NGEF: variants seen among roughly 807,000 people sequenced by gnomAD.
NGEF encodes the protein neuronal guanine nucleotide exchange factor, also known as ephexin-1.
Under a neutral mutation model 80.9 loss-of-function variants are expected in NGEF, and 31 were observed. That is an observed-to-expected ratio of 0.38 (90% CI 0.29 to 0.52). NGEF has a LOEUF of 0.52. NGEF is among the 20% of genes least tolerant of loss of function. The probability of loss-of-function intolerance (pLI) is 0.84; values close to 1 mark genes in which losing one functional copy is unlikely to be tolerated. For synonymous variants in NGEF, 371 were observed against 370.2 expected (o/e 1.00, Z -0.03); for missense variants, 709 against 926.2 (o/e 0.77, Z 3.04).
At chr2:232,880,815 C>T (rs1328745734) in intron 14 of NGEF, among the ~76,000 whole-genome samples, 2 of 58,472 alleles carry the variant, frequency 3.4e-5, no homozygotes, top group Admixed American at 3.6e-4. Flanking sequence ...GGTTGTCCTC[C>T]CTCCCACTGT....
rs1204406149 is a variant in NGEF, at chr2:233,013,218, ACTTCGTCCTGTC to A, written c.-237_-226del. 1 of 470,664 alleles carries A rather than the reference ACTTCGTCCTGTC, an allele frequency of 2.1e-6. No individual in the cohort carries two copies. The highest frequency in any genetic ancestry group is 7.0e-5 in the East Asian group (1 of 14,382). 29.2% of individuals were successfully genotyped at this position (470,664 alleles called of 1,614,324 possible). A position where few individuals can be genotyped will look rare whatever the true frequency, so the allele number is the denominator to read the frequency against. ...TGTCCCAGAGAGCCCACAGCCAAAA[ACTTCGTCCTGTC>A]CTGGAAAAGCTTCACTGGTAAGCAT... On this transcript the variant is annotated 5_prime_UTR_variant, in exon 1 of 15. Coordinates refer to ENST00000264051, the MANE Select transcript of NGEF (RefSeq NM_019850.3).
chr2:232,956,129 C>T (rs139351042), intron 3 of NGEF, among the ~76,000 whole-genome samples: 1,831 of 152,174 alleles, frequency 0.012, 24 homozygotes, highest in African/African-American at 0.027. Flanking sequence ...GTAATTGAGG[C>T]TTGAGGAGAG....
intron 3 of NGEF, among the ~76,000 whole-genome samples, chr2:232,964,042 A>C (rs969379764): frequency 6.6e-6 from 1 of 152,224 alleles, no homozygotes; most frequent in African/African-American, 2.4e-5. Context: ...CCATAGTGAG[A>C]AACCACAATA....
intron 14 of NGEF, 65 bp downstream of exon 14, chr2:232,881,081 C>G (rs550655678): frequency 3.1e-6 from 4 of 1,307,526 alleles, no homozygotes; most frequent in Non-Finnish European, 3.3e-6. Flanking sequence ...GCTTCTCCCC[C>G]TCCCCGTCAT....
intron 4 of NGEF, among the ~76,000 whole-genome samples, chr2:232,924,490 A>T (rs929131642): frequency 6.6e-5 from 10 of 152,130 alleles, no homozygotes; most frequent in African/African-American, 2.4e-4. Flanking sequence ...ACAGATTAAG[A>T]TACTGGCCAA....
At chr2:232,967,293 A>C (rs1476288685) in intron 3 of NGEF, among the ~76,000 whole-genome samples, 1 of 152,108 alleles carries the variant, frequency 6.6e-6, no homozygotes. Flanking sequence ...TATTTCCTGT[A>C]TAGCCTGCAG....
intron 1 of NGEF, among the ~76,000 whole-genome samples, chr2:232,981,138 G>A: frequency 7.8e-6 from 1 of 128,618 alleles, no homozygotes; most frequent in Middle Eastern, 3.8e-3. Context: ...AGGGCCGAGG[G>A]CCTCCCAAGC....
At chr2:233,012,070 G>A (rs1695218742) in intron 1 of NGEF, among the ~76,000 whole-genome samples, 1 of 151,538 alleles carries the variant, frequency 6.6e-6, no homozygotes, top group Admixed American at 6.6e-5. Context: ...AAGCCTAAAT[G>A]GAAAAAGAGA....
intron 14 of NGEF, among the ~76,000 whole-genome samples, chr2:232,880,524 AG>A (rs1478465505): frequency 6.6e-6 from 1 of 152,238 alleles, no homozygotes; most frequent in Non-Finnish European, 1.5e-5. Context: ...AGGACCCGGC[AG>A]GAGGAGAGGA....
intron 5 of NGEF, among the ~76,000 whole-genome samples, chr2:232,919,957 G>T (rs778357): frequency 0.84 from 127,885 of 152,214 alleles, 54,014 homozygotes; most frequent in African/African-American, 0.91. Context: ...GAGCTCAGCA[G>T]TGCCTCGTGC....
chr2:232,928,088 G>A (rs1223269923), intron 3 of NGEF: 13 of 1,101,510 alleles, frequency 1.2e-5, no homozygotes, highest in Non-Finnish European at 1.4e-5. Flanking sequence ...GGGCTGCGGA[G>A]CGGGGTCGCA....
Position 232,883,475 on chromosome 2 carries a change from C to G in NGEF, c.1602-9G>C, listed in dbSNP as rs1221502865. The G allele has an allele frequency of 6.3e-7, 1 of 1,581,526 alleles. No homozygotes were observed. Among genetic ancestry groups the G allele is most frequent in the Admixed American group, 1.8e-5 (1 of 56,368 alleles). On this transcript the variant is annotated splice_polypyrimidine_tract_variant and intron_variant, in intron 11 of 14. Transcript: ENST00000264051. ...ATACCTGGTACTTGTCTCTGGAGAT[C>G]AGGGAGAAGGGCAGGCGTGTCAGCC... is the stretch of plus-strand genomic sequence containing the variant.
At chr2:233,004,181 G>A (rs1161059181) in intron 1 of NGEF, among the ~76,000 whole-genome samples, 1 of 151,966 alleles carries the variant, frequency 6.6e-6, no homozygotes, top group Non-Finnish European at 1.5e-5. Flanking sequence ...TGAGAAAGCT[G>A]GAGGCTGGAG....
intron 1 of NGEF, among the ~76,000 whole-genome samples, chr2:233,002,403 C>T (rs977348134): frequency 1.3e-4 from 19 of 151,950 alleles, no homozygotes; most frequent in African/African-American, 4.1e-4. Context: ...TGTGGCCAGA[C>T]GTGGTGGCTC....
At chr2:232,972,908 C>T (rs1559230506) in intron 2 of NGEF, among the ~76,000 whole-genome samples, 1 of 151,972 alleles carries the variant, frequency 6.6e-6, no homozygotes, top group Non-Finnish European at 1.5e-5. Context: ...AAGCATGCAC[C>T]ACCATGCCCG....
At position 232,912,433 on chromosome 2, in the gene NGEF, T is replaced by C. The variant is rs576259943; in HGVS notation, c.828+7851A>G. ...AATTGCTAATATTTCTTACTGAGAATTTAAAAATATACATTCATGAGGAAT... is the reference window on the plus strand; with the variant it reads ...AATTGCTAATATTTCTTACTGAGAACTTAAAAATATACATTCATGAGGAAT... On this transcript the variant is annotated intron_variant, in intron 5 of 14. Coordinates refer to ENST00000264051, the MANE Select transcript of NGEF (RefSeq NM_019850.3). Among the ~76,000 whole-genome samples the C allele has an allele frequency of 5.3e-5, 8 of 152,342 alleles. 1 individual carries two copies. In the South Asian group the frequency reaches 1.7e-3, roughly 32 times the overall value.
chr2:232,948,183 G>GTA (rs59065936), intron 3 of NGEF, among the ~76,000 whole-genome samples: 25 of 147,776 alleles, frequency 1.7e-4, no homozygotes, highest in South Asian at 4.3e-4. Context: ...GTGTGTGTGT[G>GTA]TATATAATTA....
intron 3 of NGEF, among the ~76,000 whole-genome samples, chr2:232,954,143 G>A (rs77640963): frequency 0.014 from 2,137 of 152,202 alleles, 45 homozygotes; most frequent in African/African-American, 0.047. Context: ...GTCCAACTAC[G>A]GGGGTATCTT....
intron 10 of NGEF, 117 bp downstream of exon 10, chr2:232,885,163 G>A: frequency 2.3e-6 from 2 of 884,618 alleles, no homozygotes; most frequent in Non-Finnish European, 3.6e-6. Context: ...GGGATCCTAA[G>A]TGTGGCCAGT....
Sources: allele counts gnomAD v4.1 joint callset (sites outside exome capture counted in the v4.1 genomes callset), GRCh38; gene constraint gnomAD v4.1.1; transcripts MANE v1.5; gene names NCBI Gene and HGNC (gene_info 2026-07-23, HGNC 2026-07-21).